PDE10A: variants seen among roughly 807,000 people sequenced by gnomAD.
PDE10A encodes the protein phosphodiesterase 10A.
A neutral mutation model predicts 97.7 loss-of-function variants in PDE10A; 39 were observed. The observed-to-expected ratio is 0.40, with a 90% CI of 0.31 to 0.52. PDE10A has a LOEUF of 0.52. Ranked by LOEUF, PDE10A falls within the 20% of genes least tolerant of loss-of-function variation. The probability of loss-of-function intolerance (pLI) is 0.56; values close to 1 mark genes in which losing one functional copy is unlikely to be tolerated. For missense variants in PDE10A, 731 were observed against 1,047.8 expected (o/e 0.70, Z 4.17); for synonymous variants, 371 against 376.8 (o/e 0.98, Z 0.18).
At chr6:165,842,170 T>G (rs965428646) in intron 1 of PDE10A, among the ~76,000 whole-genome samples, 1 of 152,236 alleles carries the variant, frequency 6.6e-6, no homozygotes, top group African/African-American at 2.4e-5. Flanking sequence ...GTCTTTGACA[T>G]ATTAAAAACT....
chr6:165,618,433 T>C (rs1167826314), intron 1 of PDE10A, among the ~76,000 whole-genome samples: 1 of 152,010 alleles, frequency 6.6e-6, no homozygotes, highest in African/African-American at 2.4e-5. Context: ...TTTCCAGAGG[T>C]GGCCACGTGT....
In PDE10A at chr6:165,517,697, C is replaced by G. The variant is rs553627092; in HGVS notation, c.994+25743G>C. Reference sequence around the variant, plus strand: ...CACAGAACTATAGTGATCACTAACACAGAAGTCATTGCCAAGGACGGGGTG... The same window carrying G: ...CACAGAACTATAGTGATCACTAACAGAGAAGTCATTGCCAAGGACGGGGTG... On this transcript the variant is annotated intron_variant, in intron 2 of 21. Coordinates refer to ENST00000539869, the MANE Select transcript of PDE10A (RefSeq NM_001385079.1). 3.3e-5 allele frequency among the ~76,000 whole-genome samples: 5 copies of G among 152,216 alleles called. No homozygotes were observed. In the South Asian group the frequency reaches 6.2e-4, roughly 19 times the overall value.
At chr6:165,435,074 T>C (rs1417166749) in intron 6 of PDE10A, among the ~76,000 whole-genome samples, 163 bp downstream of exon 6, 1 of 152,242 alleles carries the variant, frequency 6.6e-6, no homozygotes, top group African/African-American at 2.4e-5. Context: ...GGGAATTTTC[T>C]GAGTACAAAA....
intron 10 of PDE10A, among the ~76,000 whole-genome samples, chr6:165,424,988 A>C (rs1482324440): frequency 6.6e-6 from 1 of 151,628 alleles, no homozygotes; most frequent in African/African-American, 2.4e-5. Context: ...TACACACATC[A>C]AGGAAAATAA....
intron 10 of PDE10A, among the ~76,000 whole-genome samples, chr6:165,425,413 A>G (rs1373356422): frequency 6.6e-6 from 1 of 152,150 alleles, no homozygotes; most frequent in Non-Finnish European, 1.5e-5. Flanking sequence ...TGTAATATAC[A>G]CTATCAATAG....
intron 1 of PDE10A, among the ~76,000 whole-genome samples, chr6:165,724,395 C>A (rs1792241398): frequency 6.6e-6 from 1 of 152,118 alleles, no homozygotes; most frequent in South Asian, 2.1e-4. Flanking sequence ...TATGCAAGTG[C>A]AAAATTAAAT....
intron 10 of PDE10A, among the ~76,000 whole-genome samples, chr6:165,420,023 G>A (rs76025368): frequency 0.03 from 4,594 of 152,142 alleles, 269 homozygotes; most frequent in African/African-American, 0.095. Context: ...TGCCCACTAC[G>A]CAGGGACTGA....
intron 2 of PDE10A, among the ~76,000 whole-genome samples, chr6:165,519,929 TC>T (rs1171153325): frequency 6.6e-6 from 1 of 152,166 alleles, no homozygotes; most frequent in Non-Finnish European, 1.5e-5. Context: ...AATGCTCACC[TC>T]CTTTTTGTAT....
At chr6:165,574,717 G>A (rs1785217857) in intron 1 of PDE10A, among the ~76,000 whole-genome samples, 2 of 152,152 alleles carry the variant, frequency 1.3e-5, no homozygotes, top group Non-Finnish European at 2.9e-5. Flanking sequence ...TGTTAAAAGT[G>A]AGAGTGCATT....
At chr6:165,882,667 G>A (rs1781515935) in intron 1 of PDE10A, among the ~76,000 whole-genome samples, 1 of 151,206 alleles carries the variant, frequency 6.6e-6, no homozygotes, top group Non-Finnish European at 1.5e-5. Flanking sequence ...GCAAATGTGT[G>A]TTGAGAAGTA....
intron 1 of PDE10A, among the ~76,000 whole-genome samples, chr6:165,715,302 A>G (rs998381397): frequency 6.6e-6 from 1 of 152,270 alleles, no homozygotes; most frequent in African/African-American, 2.4e-5. Flanking sequence ...GGATTTAAAA[A>G]TGTTTAATAA....
At position 165,501,130 on chromosome 6, in the gene PDE10A, A is replaced by T. The variant is rs192922674; in HGVS notation, c.995-18787T>A. Reference sequence around the variant, plus strand: ...GGTCCTCCACATGCTGAGCGCCGGTACCCTGGGCCAATTTGTCTTTCTCTA... The same window carrying T: ...GGTCCTCCACATGCTGAGCGCCGGTTCCCTGGGCCAATTTGTCTTTCTCTA... On this transcript the variant is annotated intron_variant, in intron 2 of 21. Transcript: ENST00000539869. 7.2e-5 allele frequency among the ~76,000 whole-genome samples: 11 copies of T among 152,172 alleles called. No individual in the cohort carries two copies. In the East Asian group the frequency reaches 2.1e-3, roughly 30 times the overall value.
chr6:165,625,323 G>A (rs1355898942), intron 1 of PDE10A, among the ~76,000 whole-genome samples: 1 of 152,244 alleles, frequency 6.6e-6, no homozygotes, highest in African/African-American at 2.4e-5. Flanking sequence ...GCTGCAGGCA[G>A]AGCAGTGCAG....
At chr6:165,763,310 T>C (rs1793295704) in intron 1 of PDE10A, among the ~76,000 whole-genome samples, 1 of 152,140 alleles carries the variant, frequency 6.6e-6, no homozygotes, top group Admixed American at 6.5e-5. Flanking sequence ...TCCTTTTATG[T>C]TTGAGATTCT....
chr6:165,987,976 CGT>C (rs149079607), upstream of PDE10A: 36,489 of 261,064 alleles, frequency 0.14, 713 homozygotes, highest in South Asian at 0.27. Context: ...TGTGTGCGTG[CGT>C]GTGTGTGTGT....
chr6:165,551,634 A>T (rs1241156901), intron 1 of PDE10A, among the ~76,000 whole-genome samples: 1 of 152,218 alleles, frequency 6.6e-6, no homozygotes, highest in East Asian at 1.9e-4. Context: ...TAAGCCCAGG[A>T]TGTCAGCTCT....
rs544158590 is a variant in PDE10A at position 165,432,689 on chromosome 6, A to C, written c.1491+285T>G. On this transcript the variant is annotated intron_variant, in intron 7 of 21. Coordinates refer to ENST00000539869, the MANE Select transcript of PDE10A (RefSeq NM_001385079.1). ...CAACCAGAGTGTGAAAAGTCTCCAA[A>C]GTCCTTCTACTACTTTCTATGACTC... Among the ~76,000 whole-genome samples, 6 of 151,900 alleles carry C rather than the reference A, an allele frequency of 3.9e-5. No individual in the cohort carries two copies. In the East Asian group the frequency reaches 1.2e-3, roughly 29 times the overall value.
intron 1 of PDE10A, among the ~76,000 whole-genome samples, chr6:165,629,592 G>T (rs1391985263): frequency 6.7e-6 from 1 of 149,614 alleles, no homozygotes; most frequent in Admixed American, 6.7e-5. Context: ...GGAGTGCGAT[G>T]GTGCCGTCTC....
chr6:165,609,192 G>A (rs1307511211), intron 1 of PDE10A, among the ~76,000 whole-genome samples: 5 of 152,188 alleles, frequency 3.3e-5, no homozygotes, highest in Non-Finnish European at 7.3e-5. Context: ...CCATGCCTAT[G>A]TCCTGAATGG....
Sources: gnomAD v4.1 joint callset for allele counts (sites outside exome capture counted in the v4.1 genomes callset) on GRCh38, gnomAD v4.1.1 for gene constraint, MANE v1.5 for transcripts, NCBI Gene and HGNC (gene_info 2026-07-23, HGNC 2026-07-21) for gene names.